The following SREBF2 variants were observed in gnomAD, a reference collection of about 807,000 sequenced individuals.
The protein encoded by SREBF2 is sterol regulatory element binding transcription factor 2, also known as sterol regulatory element-binding protein 2.
In SREBF2, 55 loss-of-function variants were observed where a neutral mutation model predicts 113.1. That is an observed-to-expected ratio of 0.49 (90% CI 0.39 to 0.61). The LOEUF (loss-of-function observed/expected upper bound fraction) is 0.61, where lower values mean the gene tolerates loss of function less well. Among genes scored for constraint, SREBF2 ranks in the 20% least tolerant of loss-of-function variants. The pLI, the probability that SREBF2 is intolerant of heterozygous loss-of-function variation, is 0.00. For synonymous variants in SREBF2, 593 were observed against 605.7 expected (o/e 0.98, Z 0.31); for missense variants, 1,349 against 1,487.4 (o/e 0.91, Z 1.53).
In SREBF2 at chr22:41,862,015, GCCC is replaced by G. The variant is rs1283136194; in HGVS notation, c.89-4814_89-4812del. ...TGACCTTTGTAAACTAGGTTTCCCA[GCCC>G]CTAATAGGGCTGGGTAACAAATACC... On this transcript the variant is annotated intron_variant, in intron 1 of 18. Coordinates refer to ENST00000361204, the MANE Select transcript of SREBF2 (RefSeq NM_004599.4). Among the ~76,000 whole-genome samples the G allele has an allele frequency of 2.4e-3, 365 of 152,194 alleles. 3 individuals are homozygous for G. The highest frequency in any genetic ancestry group is 8.2e-3 in the African/African-American group (341 of 41,534).
intron 1 of SREBF2, among the ~76,000 whole-genome samples, chr22:41,862,953 C>T (rs1457137648): frequency 1.3e-5 from 2 of 152,186 alleles, no homozygotes; most frequent in African/African-American, 4.8e-5. Flanking sequence ...TCTTACGCTT[C>T]GTGAACTAAG....
chr22:41,873,703 G>A, intron 4 of SREBF2, 95 bp from the exon 5 acceptor site: 1 of 1,270,876 alleles, frequency 7.9e-7, no homozygotes, highest in Non-Finnish European at 1.1e-6. Context: ...TGCCAGGTCT[G>A]GCAGCACTTG....
intron 2 of SREBF2, 78 bp from the exon 3 acceptor site, chr22:41,868,533 A>C (rs1602305024): frequency 6.7e-7 from 1 of 1,502,162 alleles, no homozygotes; most frequent in Non-Finnish European, 9.3e-7. Flanking sequence ...GAGATACTCC[A>C]TCCTCAGGTT....
At chr22:41,878,679 TG>T (rs1203116784) in intron 9 of SREBF2, 1 of 1,304,308 alleles carries the variant, frequency 7.7e-7, no homozygotes. Flanking sequence ...GAAAAAAATC[TG>T]GGGCAACTCA....
Position 41,906,518 on chromosome 22 carries a change from C to A in SREBF2, c.*858C>A. ...CTTCTAGGTTCCCTCCTCCCCCTAC[C>A]CCATCTCCTACCTCCACAGTACAGA... On this transcript the variant is annotated 3_prime_UTR_variant, in exon 19 of 19. Transcript: ENST00000361204. The A allele has an allele frequency of 6.2e-6, 1 of 160,172 alleles. No individual in the cohort carries two copies. Among genetic ancestry groups the A allele is most frequent in the Non-Finnish European group, 1.4e-5 (1 of 72,456 alleles). 9.9% of individuals were successfully genotyped at this position (160,172 alleles called of 1,614,324 possible).
At chr22:41,866,642 G>A (rs1301404541) in intron 1 of SREBF2, among the ~76,000 whole-genome samples, 189 bp from the exon 2 acceptor site, 1 of 152,214 alleles carries the variant, frequency 6.6e-6, no homozygotes, top group African/African-American at 2.4e-5. Flanking sequence ...GTCCTGTCCT[G>A]TTGTCCTGGG....
intron 4 of SREBF2, among the ~76,000 whole-genome samples, chr22:41,872,892 C>CAA (rs533730009): frequency 2.0e-4 from 24 of 120,944 alleles, no homozygotes; most frequent in Non-Finnish European, 3.3e-4. Context: ...GACTTTGTCT[C>CAA]AAAAAAAAAA....
At chr22:41,841,983 G>A (rs1193623906) in intron 1 of SREBF2, among the ~76,000 whole-genome samples, 1 of 152,212 alleles carries the variant, frequency 6.6e-6, no homozygotes. Flanking sequence ...TCACTTGGGA[G>A]TTTGTTCATG....
chr22:41,875,829 C>A, intron 7 of SREBF2, 105 bp downstream of exon 7: 1 of 1,314,878 alleles, frequency 7.6e-7, no homozygotes, highest in Non-Finnish European at 1.1e-6. Flanking sequence ...TTAAGAGGGC[C>A]TAGCCTGGAG....
rs910352872 is a variant in SREBF2 at position 41,875,940 on chromosome 22, C to T, written c.1386+216C>T. Among the ~76,000 whole-genome samples the T allele has an allele frequency of 6.6e-5, 10 of 152,172 alleles. No individual in the cohort carries two copies. The East Asian group carries it at 7.7e-4, about 12-fold the overall frequency. ...TCCCTCAGGTTTAACTGGTCCTTGC[C>T]GATAGGCCCCGTCAGAGAGGAATGA... is the stretch of plus-strand genomic sequence containing the variant. On this transcript the variant is annotated intron_variant, in intron 7 of 18. Coordinates refer to ENST00000361204, the MANE Select transcript of SREBF2 (RefSeq NM_004599.4).
At chr22:41,894,986 C>A in intron 13 of SREBF2, 49 bp downstream of exon 13, 1 of 1,492,562 alleles carries the variant, frequency 6.7e-7, no homozygotes, top group Non-Finnish European at 9.3e-7. Flanking sequence ...TCCACGCAGG[C>A]AACTCCAGGA....
At chr22:41,871,737 C>T (rs972003458) in intron 4 of SREBF2, among the ~76,000 whole-genome samples, 5 of 151,526 alleles carry the variant, frequency 3.3e-5, no homozygotes, top group Non-Finnish European at 5.9e-5. Context: ...ACTAAAAATA[C>T]AAAAATTAGC....
intron 1 of SREBF2, among the ~76,000 whole-genome samples, chr22:41,854,682 A>G (rs1398406540): frequency 6.6e-6 from 1 of 151,794 alleles, no homozygotes; most frequent in African/African-American, 2.4e-5. Context: ...CAGCCTGGCC[A>G]ACATGGTGAA....
At position 41,866,974 on chromosome 22, in the gene SREBF2, G is replaced by A. The variant is rs538434796; in HGVS notation, c.232G>A (p.Gly78Ser). The A allele has an allele frequency of 6.2e-7, 1 of 1,613,896 alleles. No individual in the cohort carries two copies. The highest frequency in any genetic ancestry group is 1.3e-5 in the African/African-American group (1 of 74,936). ...CAGCAGCAGCAGCAGCAATGGCAGG[G>A]GCAGCAGCAGCGGAGCTGTGGACCC... ...GSSSSSSNGR[G>S]SSSGAVDPSV... Residue 78 changes from glycine to serine, a missense_variant, in exon 2 of 19, where the codon GGC becomes AGC. By Grantham distance (56) the Gly-to-Ser change is moderately conservative. Around this residue, in one of 2 missense-constraint regions of SREBF2, gnomAD observed 699 missense variants for 843.3 expected, o/e 0.83. Transcript: ENST00000361204.
intron 5 of SREBF2, among the ~76,000 whole-genome samples, chr22:41,874,916 G>GA (rs56791406): frequency 0.021 from 3,071 of 143,752 alleles, 106 homozygotes; most frequent in African/African-American, 0.073. Flanking sequence ...TTGGAAAAAA[G>GA]AAAAAAAAAA....
At chr22:41,839,212 G>C (rs2076805379) in intron 1 of SREBF2, among the ~76,000 whole-genome samples, 1 of 152,152 alleles carries the variant, frequency 6.6e-6, no homozygotes, top group Non-Finnish European at 1.5e-5. Flanking sequence ...TCAGCAGAAA[G>C]AGCTGGTTAG....
intron 10 of SREBF2, among the ~76,000 whole-genome samples, chr22:41,882,942 A>G (rs2077262573): frequency 6.6e-6 from 1 of 152,192 alleles, no homozygotes. Flanking sequence ...CATCTCTCCA[A>G]AAAAAATTCA....
At position 41,880,945 on chromosome 22, in the gene SREBF2, G is replaced by T. The variant is rs376482369; in HGVS notation, c.1991G>T (p.Arg664Leu). The part of the protein sequence containing the change: ...GFEDEAKTSA[R>L]DAALAYHRLH... ...GAAGACGAAGCTAAGACCAGCGCCC[G>T]GGATGCGGCTCTGGCCTATCACCGG... The change falls in exon 10 of 19, where the codon CGG (arginine) becomes CTG (leucine). Residue 664 changes from arginine (R) to leucine (L), a missense_variant. Around this residue, in one of 2 missense-constraint regions of SREBF2, gnomAD observed 650 missense variants for 644.1 expected, o/e 1.01. Coordinates refer to ENST00000361204, the MANE Select transcript of SREBF2 (RefSeq NM_004599.4). 48 of 1,611,758 alleles carry T rather than the reference G, an allele frequency of 3.0e-5. No homozygotes were observed. Among genetic ancestry groups the T allele is most frequent in the Admixed American group, 1.0e-4 (6 of 60,004 alleles).
intron 1 of SREBF2, among the ~76,000 whole-genome samples, chr22:41,841,261 T>A (rs1014426367): frequency 6.6e-5 from 10 of 152,234 alleles, no homozygotes; most frequent in African/African-American, 1.9e-4. Context: ...CAGATCTGCT[T>A]TTCATCCCTT....
Sources: gnomAD v4.1 joint callset for allele counts (sites outside exome capture counted in the v4.1 genomes callset) on GRCh38, gnomAD v4.1.1 for gene constraint, gnomAD v4.1.1 regional missense constraint, MANE v1.5 for transcripts, NCBI Gene and HGNC (gene_info 2026-07-23, HGNC 2026-07-21) for gene names.